PPP2R2C: variants seen among roughly 807,000 people sequenced by gnomAD.
PPP2R2C encodes protein phosphatase 2, regulatory subunit B, gamma.
A neutral mutation model predicts 45.3 loss-of-function variants in PPP2R2C; 10 were observed. That is an observed-to-expected ratio of 0.22 (90% CI 0.14 to 0.37). The LOEUF is 0.37. Among genes scored for constraint, PPP2R2C ranks in the 10% least tolerant of loss-of-function variants. The pLI, the probability that PPP2R2C is intolerant of heterozygous loss-of-function variation, is 1.00. For synonymous variants in PPP2R2C, 257 were observed against 245.4 expected, an observed-to-expected ratio of 1.05 and a Z score of -0.44; for missense variants, 308 against 619.7, an observed-to-expected ratio of 0.50 and a Z score of 5.34.
chr4:6,515,229 G>T (rs1327634091), intron 2 of PPP2R2C, among the ~76,000 whole-genome samples: 4 of 152,152 alleles, frequency 2.6e-5, no homozygotes, highest in African/African-American at 9.7e-5. Flanking sequence ...TCAACTGGAG[G>T]CTCTGGCAAA....
At chr4:6,335,431 A>G (rs750396972) in intron 6 of PPP2R2C, among the ~76,000 whole-genome samples, 2 of 152,150 alleles carry the variant, frequency 1.3e-5, no homozygotes, top group African/African-American at 4.8e-5. Flanking sequence ...GCCCTGAGGC[A>G]GGGACACGCC....
chr4:6,532,663 T>C (rs1036983372), intron 2 of PPP2R2C, among the ~76,000 whole-genome samples: 2 of 152,214 alleles, frequency 1.3e-5, no homozygotes, highest in Non-Finnish European at 2.9e-5. Context: ...AGGATCACAG[T>C]GTCCAGCCCC....
rs574664417 is a variant in PPP2R2C, at chr4:6,515,073, C to T, written c.49+20198G>A. On this transcript the variant is annotated intron_variant, in intron 2 of 9. Coordinates refer to the PPP2R2C transcript ENST00000506140. ...GCAAAGACCCAACTTCCACATGAGG[C>T]CACATTCACAGGCATCAGGGGTGAG... 6.6e-5 allele frequency among the ~76,000 whole-genome samples: 10 copies of T among 152,222 alleles called. No individual in the cohort carries two copies. The South Asian group carries it at 2.1e-3, about 32-fold the overall frequency.
At chr4:6,355,593 G>A (rs1041754312) in intron 5 of PPP2R2C, among the ~76,000 whole-genome samples, 6 of 151,774 alleles carry the variant, frequency 4.0e-5, no homozygotes, top group African/African-American at 1.5e-4. Context: ...AGGCCCCAGG[G>A]TGTGAGGGGT....
Position 6,464,462 on chromosome 4 carries a change from C to T in PPP2R2C, c.70+7698G>A, listed in dbSNP as rs572739496. On this transcript the variant is annotated intron_variant, in intron 1 of 8. Transcript: ENST00000382599. ...GGAGAGGAGAGTCCACATTTCAAGG[C>T]AGACACAGCCTTGCTCTTCAACTTT... Among the ~76,000 whole-genome samples the T allele has an allele frequency of 1.8e-4, 27 of 152,294 alleles. No homozygotes were observed. In the South Asian group the frequency reaches 4.1e-3, roughly 23 times the overall value.
chr4:6,447,828 TAACA>T (rs1720512508), intron 1 of PPP2R2C, among the ~76,000 whole-genome samples: 1 of 151,850 alleles, frequency 6.6e-6, no homozygotes, highest in African/African-American at 2.4e-5. Flanking sequence ...ACGGCTGGAG[TAACA>T]GCAGCGCAAG....
chr4:6,350,296 G>C (rs56366148), intron 5 of PPP2R2C: 1 of 985,320 alleles, frequency 1.0e-6, no homozygotes, highest in African/African-American at 1.7e-5. Flanking sequence ...CACGCTGCCC[G>C]CTCGGAGCAG....
chr4:6,383,996 C>G, intron 1 of PPP2R2C: 1 of 985,810 alleles, frequency 1.0e-6, no homozygotes, highest in Non-Finnish European at 1.2e-6. Flanking sequence ...ATCCATCCAT[C>G]AAGACAGATG....
At chr4:6,468,663 G>A (rs12641138) in intron 1 of PPP2R2C, among the ~76,000 whole-genome samples, 62,617 of 151,988 alleles carry the variant, frequency 0.41, 15,022 homozygotes, top group Non-Finnish European at 0.55. Flanking sequence ...GAGCTCCTGT[G>A]TCTTGGTCAT....
chr4:6,419,681 A>G (rs1199442284), intron 1 of PPP2R2C, among the ~76,000 whole-genome samples: 2 of 152,276 alleles, frequency 1.3e-5, no homozygotes, highest in Middle Eastern at 3.4e-3. Flanking sequence ...AGACAGCTGG[A>G]AAACAATCGA....
At chr4:6,408,724 C>T (rs1445064696) in intron 1 of PPP2R2C, among the ~76,000 whole-genome samples, 1 of 152,090 alleles carries the variant, frequency 6.6e-6, no homozygotes, top group African/African-American at 2.4e-5. Context: ...GCACTTGGGC[C>T]ACAGGTGATC....
intron 1 of PPP2R2C, among the ~76,000 whole-genome samples, chr4:6,416,588 A>C (rs899867013): frequency 6.6e-6 from 1 of 152,168 alleles, no homozygotes; most frequent in Non-Finnish European, 1.5e-5. Context: ...CCCTGGCTGC[A>C]CCCAGCAGCC....
chr4:6,489,679 C>T (rs1432380344), intron 2 of PPP2R2C, among the ~76,000 whole-genome samples: 1 of 152,194 alleles, frequency 6.6e-6, no homozygotes, highest in Non-Finnish European at 1.5e-5. Context: ...GCGCCTGGCA[C>T]ATCATGGGTG....
chr4:6,337,711 C>G (rs1030680677), intron 6 of PPP2R2C, among the ~76,000 whole-genome samples: 1 of 152,108 alleles, frequency 6.6e-6, no homozygotes, highest in African/African-American at 2.4e-5. Context: ...CTACCAGCCT[C>G]CAGCAGGAAA....
rs77433897 is a variant in PPP2R2C at position 6,553,194 on chromosome 4, G to A, written c.-59+10366C>T. Among the ~76,000 whole-genome samples the A allele has an allele frequency of 1.2e-3, 183 of 152,288 alleles. 3 individuals are homozygous for A. The East Asian group carries it at 0.032, about 27-fold the overall frequency. On this transcript the variant is annotated intron_variant, in intron 1 of 9. Transcript: ENST00000506140. ...CCGACCCTAGGATTGCAGCGCCACC[G>A]CAGGGAGAAGAACGGGGAGTGTTCC...
chr4:6,392,061 G>A (rs981062955), intron 1 of PPP2R2C, among the ~76,000 whole-genome samples: 7 of 152,190 alleles, frequency 4.6e-5, no homozygotes, highest in African/African-American at 1.4e-4. Context: ...AATGAATGGC[G>A]AGTTCTTGTT....
chr4:6,521,872 G>A (rs561200269), intron 2 of PPP2R2C, among the ~76,000 whole-genome samples: 5 of 152,134 alleles, frequency 3.3e-5, no homozygotes, highest in Non-Finnish European at 5.9e-5. Context: ...CGGAAGAGCC[G>A]GGAAGCACAC....
intron 1 of PPP2R2C, among the ~76,000 whole-genome samples, chr4:6,424,195 G>T (rs533080670): frequency 3.9e-5 from 6 of 152,220 alleles, no homozygotes; most frequent in Non-Finnish European, 4.4e-5. Flanking sequence ...CACAGCAGCA[G>T]GTCACCAGGC....
At chr4:6,521,955 G>A (rs1357679191) in intron 2 of PPP2R2C, among the ~76,000 whole-genome samples, 2 of 152,188 alleles carry the variant, frequency 1.3e-5, no homozygotes, top group Non-Finnish European at 2.9e-5. Context: ...ATTGGGTTCT[G>A]TTCTCCCCAA....
Sources: allele counts gnomAD v4.1 joint callset (sites outside exome capture counted in the v4.1 genomes callset), GRCh38; gene constraint gnomAD v4.1.1; transcripts MANE v1.5; gene names NCBI Gene and HGNC (gene_info 2026-07-23, HGNC 2026-07-21).